Variants in ACSL6 observed in about 807,000 individuals in gnomAD.
ACSL6 encodes the protein acyl-CoA synthetase long chain family member 6, also known as long-chain-fatty-acid--CoA ligase 6.
Under a neutral mutation model 98.2 loss-of-function variants are expected in ACSL6, and 47 were observed. The ratio of observed to expected loss-of-function variants is 0.48; its 90% CI spans 0.38 to 0.61. ACSL6 has a LOEUF of 0.61. Ranked by LOEUF, ACSL6 falls within the 20% of genes least tolerant of loss-of-function variation. ACSL6 has a pLI of 0.00. For missense variants in ACSL6, 761 were observed against 913.4 expected (o/e 0.83, Z 2.15); for synonymous variants, 362 against 336.9 (o/e 1.07, Z -0.82).
chr5:131,981,746 C>T (rs1017495701), intron 9 of ACSL6: 3 of 152,174 alleles, frequency 2.0e-5, no homozygotes, highest in East Asian at 3.8e-4. Flanking sequence ...GATGGCATGG[C>T]CAAGCTTCGT....
At position 131,971,610 on chromosome 5, in the gene ACSL6, A is replaced by G. The variant is rs760958714; in HGVS notation, c.1374T>C (p.Thr458=). Residue 458 remains threonine, a synonymous_variant, in exon 14 of 21, where the codon ACT becomes ACC. Coordinates refer to ENST00000651883, the MANE Select transcript of ACSL6 (RefSeq NM_001009185.3). The part of the protein sequence containing the change: ...SLGGCVRMIV[T]GAAPASPTVL... ...CTGTTGGTGATGCTGGGGCTGCTCC[A>G]GTAACAATCATCCGCACACACCCAC... 2 of 1,612,682 alleles carry G rather than the reference A, an allele frequency of 1.2e-6. No individual in the cohort carries two copies. Among genetic ancestry groups the G allele is most frequent in the African/African-American group, 2.7e-5 (2 of 75,040 alleles).
At chr5:131,980,184 A>T (rs1400450368) in intron 9 of ACSL6, among the ~76,000 whole-genome samples, 2 of 152,182 alleles carry the variant, frequency 1.3e-5, no homozygotes, top group Admixed American at 1.3e-4. Flanking sequence ...GGGTTATAAT[A>T]GTTACCGGTG....
At chr5:132,005,166 A>C (rs1178387152) in intron 1 of ACSL6, among the ~76,000 whole-genome samples, 6 of 152,156 alleles carry the variant, frequency 3.9e-5, no homozygotes, top group Non-Finnish European at 8.8e-5. Context: ...AAAAAGAAAA[A>C]AGAAAAAAAA....
intron 1 of ACSL6, among the ~76,000 whole-genome samples, chr5:131,999,048 T>A (rs1754932126): frequency 6.6e-6 from 1 of 152,080 alleles, no homozygotes; most frequent in South Asian, 2.1e-4. Flanking sequence ...CACCAAATCA[T>A]CAAAGAATCT....
chr5:131,973,129 C>G, intron 12 of ACSL6, 137 bp downstream of exon 12: 1 of 1,212,334 alleles, frequency 8.2e-7, no homozygotes, highest in Non-Finnish European at 1.1e-6. Flanking sequence ...GAGAAAGAGT[C>G]AGGAACTACA....
intron 10 of ACSL6, chr5:131,975,326 G>C: frequency 1.0e-6 from 1 of 985,366 alleles, no homozygotes; most frequent in Non-Finnish European, 1.2e-6. Context: ...CCTCTCTGAG[G>C]GCCTGCCCCT....
chr5:131,968,092 C>A lies in ACSL6; in HGVS notation c.1508-64G>T, dbSNP rs979366038. ...GATCTGTTTTAGCACTGAAGATGTTCCAAGCCCCTTAAAATCTCTGAGTGG... is the reference window on the plus strand; with the variant it reads ...GATCTGTTTTAGCACTGAAGATGTTACAAGCCCCTTAAAATCTCTGAGTGG... On this transcript the variant is annotated intron_variant, in intron 15 of 20. Transcript: ENST00000651883. 8 of 1,448,176 alleles carry A rather than the reference C, an allele frequency of 5.5e-6. No individual in the cohort carries two copies. In the Admixed American group the frequency reaches 1.4e-4, roughly 26 times the overall value. 89.7% of individuals were successfully genotyped at this position (1,448,176 alleles called of 1,614,324 possible). A position where few individuals can be genotyped will look rare whatever the true frequency, so the allele number is the denominator to read the frequency against.
rs1580651148 is a variant in ACSL6 at position 131,974,705 on chromosome 5, T to C, written c.1068+188A>G. On this transcript the variant is annotated intron_variant, in intron 11 of 20. Transcript: ENST00000651883. ...GCCACCAGTGACAAGTGACACCCGC[T>C]AGGGTTATGGGTTCTAGGCACAGAG... 21 of 1,564,826 alleles carry C rather than the reference T, an allele frequency of 1.3e-5. No homozygotes were observed. The East Asian group carries it at 4.8e-4, about 36-fold the overall frequency.
intron 2 of ACSL6, chr5:131,993,322 T>G (rs1035724274): frequency 6.5e-6 from 1 of 153,370 alleles, no homozygotes. Flanking sequence ...TCTACACATC[T>G]GCTCACGGCC....
chr5:131,961,322 G>A (rs531235687), intron 18 of ACSL6, among the ~76,000 whole-genome samples: 1 of 152,114 alleles, frequency 6.6e-6, no homozygotes, highest in African/African-American at 2.4e-5. Context: ...ACCATGCCAG[G>A]CCTATTTTGA....
At chr5:131,994,360 T>C in intron 1 of ACSL6, 109 bp from the exon 2 acceptor site, 1 of 994,200 alleles carries the variant, frequency 1.0e-6, no homozygotes, top group Non-Finnish European at 1.5e-6. Context: ...GGGCAGGCCC[T>C]CGGGGAGTTG....
At chr5:132,008,462 C>T (rs1755534076) in intron 1 of ACSL6, among the ~76,000 whole-genome samples, 1 of 152,216 alleles carries the variant, frequency 6.6e-6, no homozygotes, top group African/African-American at 2.4e-5. Context: ...TATCTCTTCT[C>T]CTTACTGGAG....
intron 19 of ACSL6, chr5:131,959,893 T>G: frequency 2.2e-6 from 1 of 445,108 alleles, no homozygotes. Flanking sequence ...TTGCTACCCC[T>G]AGATGAGCCC....
In ACSL6 at chr5:131,988,232, G is replaced by A. The variant is rs112587410; in HGVS notation, c.653-6C>T. The A allele has an allele frequency of 7.3e-4, 1,174 of 1,613,740 alleles. No homozygotes were observed. The highest frequency in any genetic ancestry group is 9.3e-4 in the Non-Finnish European group (1,094 of 1,179,738). ...AATCACGGTGCTGATGTCCGCTGCA[G>A]GGGGCCATCAAGGAGAGTCAGGCCA... On this transcript the variant is annotated splice_region_variant and splice_polypyrimidine_tract_variant and intron_variant, in intron 6 of 20. Coordinates refer to ENST00000651883, the MANE Select transcript of ACSL6 (RefSeq NM_001009185.3).
At chr5:131,976,127 A>G in intron 10 of ACSL6, 2 of 985,470 alleles carry the variant, frequency 2.0e-6, no homozygotes, top group Non-Finnish European at 2.4e-6. Context: ...CAGTTATAAA[A>G]TGCTAACATG....
chr5:131,975,304 G>A (rs949534775), intron 10 of ACSL6: 50 of 985,362 alleles, frequency 5.1e-5, no homozygotes, highest in Middle Eastern at 5.2e-4. Context: ...AGTGGGCTCC[G>A]CAGGGAAGTC....
At chr5:131,969,895 A>G (rs956409234) in intron 15 of ACSL6, among the ~76,000 whole-genome samples, 11 of 152,234 alleles carry the variant, frequency 7.2e-5, no homozygotes, top group African/African-American at 2.2e-4. Flanking sequence ...CCAAATTTAG[A>G]CCAGATTCTT....
intron 10 of ACSL6, chr5:131,975,587 C>A: frequency 1.1e-6 from 1 of 912,474 alleles, no homozygotes. Flanking sequence ...ACTGGCTGAG[C>A]CTGGCCTCAC....
chr5:131,976,661 A>C lies in ACSL6; in HGVS notation c.977T>G (p.Leu326Arg), dbSNP rs1753635431. The change falls in exon 10 of 21, where the codon CTG becomes CGG. Residue 326 changes from leucine (L) to arginine (R), a missense_variant. Coordinates refer to ENST00000651883, the MANE Select transcript of ACSL6 (RefSeq NM_001009185.3). ...TACTTTATTCACCTCTGTCACTTTC[A>C]GAAAGCCTGAGAAATCAGCCACCAC... ...GNVVADFSGF[L>R]KVTEKVIFPR... 2 of 1,614,078 alleles carry C rather than the reference A, an allele frequency of 1.2e-6. No individual in the cohort carries two copies. The highest frequency in any genetic ancestry group is 3.3e-5 in the Admixed American group (2 of 60,012).
Sources: allele counts gnomAD v4.1 joint callset (sites outside exome capture counted in the v4.1 genomes callset), GRCh38; gene constraint gnomAD v4.1.1; transcripts MANE v1.5; gene names NCBI Gene and HGNC (gene_info 2026-07-23, HGNC 2026-07-21).